Variants in PTK2B observed in about 807,000 individuals in gnomAD.
The protein encoded by PTK2B is protein tyrosine kinase 2 beta.
In PTK2B, 71 loss-of-function variants were observed where a neutral mutation model predicts 142.9. The observed-to-expected ratio is 0.50, with a 90% CI of 0.41 to 0.61. The LOEUF (loss-of-function observed/expected upper bound fraction) is 0.61. PTK2B is among the 20% of genes least tolerant of loss of function. The pLI is 0.00. For synonymous variants in PTK2B, 519 were observed against 503.4 expected, an observed-to-expected ratio of 1.03 and a Z score of -0.42; for missense variants, 1,105 against 1,320.4, an observed-to-expected ratio of 0.84 and a Z score of 2.53.
At chr8:27,367,864 G>T (rs565808045) in intron 1 of PTK2B, among the ~76,000 whole-genome samples, 36 of 152,318 alleles carry the variant, frequency 2.4e-4, no homozygotes, top group African/African-American at 8.4e-4. Flanking sequence ...CATTCATAAA[G>T]GATCCACCAC....
At chr8:27,440,580 C>A in intron 21 of PTK2B, 139 bp downstream of exon 21, 1 of 1,009,916 alleles carries the variant, frequency 9.9e-7, no homozygotes. Flanking sequence ...AAGCCAGGTT[C>A]ACTGTCAGAT....
intron 1 of PTK2B, among the ~76,000 whole-genome samples, chr8:27,346,735 C>T (rs1420668545): frequency 6.6e-6 from 1 of 152,242 alleles, no homozygotes; most frequent in Admixed American, 6.5e-5. Context: ...AACTCCTCCT[C>T]ATGGAGAAAG....
chr8:27,311,318 T>G, upstream of PTK2B: 3 of 1,415,488 alleles, frequency 2.1e-6, no homozygotes, highest in Non-Finnish European at 2.8e-6. Context: ...GCGACCCGAG[T>G]GCTGGGAATC....
intron 17 of PTK2B, 40 bp downstream of exon 17, chr8:27,437,536 A>AT (rs774083739): frequency 2.0e-6 from 3 of 1,491,120 alleles, no homozygotes; most frequent in South Asian, 1.2e-5. Flanking sequence ...GGGCTGCAGC[A>AT]TGGGGGGCAT....
At chr8:27,351,665 T>C (rs1372532480) in intron 1 of PTK2B, among the ~76,000 whole-genome samples, 5 of 152,228 alleles carry the variant, frequency 3.3e-5, no homozygotes, top group African/African-American at 4.8e-5. Flanking sequence ...TGTAAAACTT[T>C]CCATTTTCAA....
chr8:27,349,181 A>T (rs572259970), intron 1 of PTK2B, among the ~76,000 whole-genome samples: 3 of 152,192 alleles, frequency 2.0e-5, no homozygotes, highest in Non-Finnish European at 4.4e-5. Context: ...CACTGAGAAA[A>T]CAACAGAGAA....
chr8:27,422,724 G>A (rs576047082), intron 5 of PTK2B, among the ~76,000 whole-genome samples: 4 of 152,300 alleles, frequency 2.6e-5, no homozygotes, highest in African/African-American at 9.6e-5. Flanking sequence ...AGAATCTGGG[G>A]GACATTCGAG....
At chr8:27,397,921 G>C in intron 2 of PTK2B, 133 bp downstream of exon 2, 1 of 1,140,826 alleles carries the variant, frequency 8.8e-7, no homozygotes, top group Admixed American at 2.0e-5. Flanking sequence ...TGGCATCAGA[G>C]AGATGTGCTC....
chr8:27,429,865 T>G (rs1403483223), intron 5 of PTK2B, among the ~76,000 whole-genome samples: 1 of 152,088 alleles, frequency 6.6e-6, no homozygotes, highest in African/African-American at 2.4e-5. Context: ...ATTCCTAAAG[T>G]GAGTTTCCTA....
At chr8:27,359,084 T>A (rs936439794) in intron 1 of PTK2B, among the ~76,000 whole-genome samples, 3 of 152,172 alleles carry the variant, frequency 2.0e-5, no homozygotes, top group Non-Finnish European at 4.4e-5. Context: ...GGACTTTGCA[T>A]ACCTTCTTTT....
chr8:27,451,457 T>C, intron 26 of PTK2B, 28 bp from the exon 27 acceptor site: 1 of 1,613,648 alleles, frequency 6.2e-7, no homozygotes, highest in Non-Finnish European at 8.5e-7. Flanking sequence ...ATGAGTGACG[T>C]TCCTGTTCTC....
At chr8:27,382,365 G>T (rs1807080304) in intron 1 of PTK2B, among the ~76,000 whole-genome samples, 1 of 152,118 alleles carries the variant, frequency 6.6e-6, no homozygotes, top group Non-Finnish European at 1.5e-5. Flanking sequence ...GTCCCTTGTT[G>T]GATGAACGGT....
At chr8:27,343,714 C>A (rs973084342) in intron 1 of PTK2B, among the ~76,000 whole-genome samples, 1 of 152,176 alleles carries the variant, frequency 6.6e-6, no homozygotes, top group African/African-American at 2.4e-5. Context: ...AAAAAAATTT[C>A]TTTCGCCAGG....
rs555089394 is a variant in PTK2B, at chr8:27,431,163, C to A, written c.810+147C>A. 7.8e-4 allele frequency: 1,150 copies of A among 1,476,758 alleles called. No individual in the cohort carries two copies. Among genetic ancestry groups the A allele is most frequent in the Admixed American group, 3.1e-3 (141 of 45,840 alleles). The allele number at this position is 1,476,758 out of a possible 1,614,324, so 91.5% of individuals were successfully genotyped here. A position where few individuals can be genotyped will look rare whatever the true frequency, so the allele number is the denominator to read the frequency against. ...TCGCTGACCTGCCGTCGGTGGAAGT[C>A]AAAAGCATCCCCTTGCCTGAAGCAG... On this transcript the variant is annotated intron_variant, in intron 8 of 30. Transcript: ENST00000346049.
At chr8:27,447,949 G>C (rs1400582861) in intron 24 of PTK2B, among the ~76,000 whole-genome samples, 3 of 152,240 alleles carry the variant, frequency 2.0e-5, no homozygotes, top group African/African-American at 7.2e-5. Flanking sequence ...GTGCTGAAGG[G>C]GGGAGGCGCT....
At chr8:27,430,231 A>G in intron 6 of PTK2B, 76 bp downstream of exon 6, 1 of 1,572,342 alleles carries the variant, frequency 6.4e-7, no homozygotes, top group Non-Finnish European at 8.7e-7. Context: ...CCTCTCCTCC[A>G]CCCCTCCCCA....
intron 5 of PTK2B, among the ~76,000 whole-genome samples, chr8:27,429,401 G>C (rs924428015): frequency 6.6e-6 from 1 of 152,218 alleles, no homozygotes; most frequent in Non-Finnish European, 1.5e-5. Flanking sequence ...AACAGTCAAT[G>C]AAATTACTAG....
intron 24 of PTK2B, among the ~76,000 whole-genome samples, chr8:27,448,861 C>T (rs1252736371): frequency 6.6e-6 from 1 of 152,216 alleles, no homozygotes; most frequent in Non-Finnish European, 1.5e-5. Context: ...GAGTATCAGC[C>T]TCTGATCAAC....
intron 1 of PTK2B, among the ~76,000 whole-genome samples, chr8:27,368,095 C>G (rs1806125774): frequency 6.6e-6 from 1 of 152,242 alleles, no homozygotes; most frequent in Non-Finnish European, 1.5e-5. Context: ...CCATGCTGCC[C>G]TTGTTAGCAG....
Sources: gnomAD v4.1 joint callset for allele counts (sites outside exome capture counted in the v4.1 genomes callset) on GRCh38, gnomAD v4.1.1 for gene constraint, MANE v1.5 for transcripts, NCBI Gene and HGNC (gene_info 2026-07-23, HGNC 2026-07-21) for gene names.